The following CPS1 variants were observed in gnomAD, a reference collection of about 807,000 sequenced individuals.
CPS1 encodes the protein carbamoyl-phosphate synthase 1.
CPS1 carries 109 observed loss-of-function variants against 174.6 expected under a neutral mutation model. The ratio of observed to expected loss-of-function variants is 0.62; its 90% CI spans 0.53 to 0.73. CPS1 has a LOEUF of 0.73. Among genes scored for constraint, CPS1 ranks in the 30% least tolerant of loss-of-function variants. CPS1 has a pLI of 0.00. For synonymous variants in CPS1, 637 were observed against 632.0 expected, an observed-to-expected ratio of 1.01 and a Z score of -0.12; for missense variants, 1,689 against 1,821.9, an observed-to-expected ratio of 0.93 and a Z score of 1.33.
chr2:210,632,448 C>T (rs1699898379), intron 21 of CPS1, among the ~76,000 whole-genome samples: 1 of 152,064 alleles, frequency 6.6e-6, no homozygotes, highest in South Asian at 2.1e-4. Flanking sequence ...ATGGGACACA[C>T]AATACAATTT....
chr2:210,641,162 C>T (rs1700211792), intron 24 of CPS1, among the ~76,000 whole-genome samples: 1 of 152,176 alleles, frequency 6.6e-6, no homozygotes, highest in African/African-American at 2.4e-5. Flanking sequence ...TACTATGTCA[C>T]CTAGGCTGGA....
rs1701599879 is a variant in CPS1, at chr2:210,678,349, C to T, written c.*364C>T. ...TGAACTCTTTCTATACTTTAAGATA[C>T]TCTATTTTTAAAACACTATCTGCAA... On this transcript the variant is annotated 3_prime_UTR_variant, in exon 38 of 38. Transcript: ENST00000233072. 12 of 303,352 alleles carry T rather than the reference C, an allele frequency of 4.0e-5. No homozygotes were observed. The South Asian group carries it at 4.0e-4, about 10-fold the overall frequency. 18.8% of individuals were successfully genotyped at this position (303,352 alleles called of 1,614,324 possible).
At chr2:210,526,356 A>C (rs144021376) in intron 1 of CPS1, among the ~76,000 whole-genome samples, 1 of 150,200 alleles carries the variant, frequency 6.7e-6, no homozygotes, top group Non-Finnish European at 1.5e-5. Context: ...CATTCTGTAC[A>C]TGTATCCCAG....
intron 19 of CPS1, among the ~76,000 whole-genome samples, chr2:210,611,895 G>A (rs913442314): frequency 1.3e-5 from 2 of 151,250 alleles, no homozygotes; most frequent in African/African-American, 2.4e-5. Context: ...TCCCTGAGTG[G>A]TAAAAGACTG....
chr2:210,562,468 T>C (rs887923735), intron 1 of CPS1, among the ~76,000 whole-genome samples: 6 of 152,184 alleles, frequency 3.9e-5, no homozygotes, highest in African/African-American at 1.4e-4. Flanking sequence ...AATTCTAAAT[T>C]TCAAAAATCC....
intron 1 of CPS1, among the ~76,000 whole-genome samples, chr2:210,558,650 C>G (rs1696999469): frequency 6.6e-6 from 1 of 151,954 alleles, no homozygotes; most frequent in Admixed American, 6.6e-5. Flanking sequence ...CATCAGACCC[C>G]AGAAACCGCG....
chr2:210,516,530 T>C (rs1695686311), intron 1 of CPS1, among the ~76,000 whole-genome samples: 1 of 151,962 alleles, frequency 6.6e-6, no homozygotes, highest in African/African-American at 2.4e-5. Flanking sequence ...CTCTTTGCTT[T>C]GGTGATTTTT....
At chr2:210,596,938 A>G (rs929188550) in intron 13 of CPS1, among the ~76,000 whole-genome samples, 11 of 151,580 alleles carry the variant, frequency 7.3e-5, no homozygotes, top group Admixed American at 2.0e-4. Flanking sequence ...TTTAAACTAA[A>G]AAAATAATTG....
At chr2:210,564,428 T>G (rs1574529006) in intron 1 of CPS1, among the ~76,000 whole-genome samples, 1 of 151,802 alleles carries the variant, frequency 6.6e-6, no homozygotes. Flanking sequence ...CAGGCTGGAG[T>G]GCAGTGCTGC....
chr2:210,492,933 T>G lies in CPS1; in HGVS notation c.3+15167T>G, dbSNP rs1449515627. Among the ~76,000 whole-genome samples, 3 of 152,138 alleles carry G rather than the reference T, an allele frequency of 2.0e-5. No individual in the cohort carries two copies. In the East Asian group the frequency reaches 5.8e-4, roughly 29 times the overall value. On this transcript the variant is annotated intron_variant, in intron 1 of 38. Transcript: ENST00000430249. ...CAGAATATAGCGGCTGGGCTAATAA[T>G]AATAAATTCAAAGTACTGACACATA...
chr2:210,627,587 T>C (rs1023118534), intron 21 of CPS1, among the ~76,000 whole-genome samples: 29 of 152,176 alleles, frequency 1.9e-4, no homozygotes, highest in African/African-American at 5.8e-4. Context: ...GATAGAGTCA[T>C]GCACTTCGTA....
At chr2:210,480,618 A>G (rs946774877) in intron 1 of CPS1, among the ~76,000 whole-genome samples, 4 of 152,146 alleles carry the variant, frequency 2.6e-5, no homozygotes, top group Non-Finnish European at 4.4e-5. Flanking sequence ...TCCATATCCT[A>G]TATTTTTTCT....
chr2:210,571,458 C>A (rs1388959961), intron 1 of CPS1, among the ~76,000 whole-genome samples: 2 of 151,840 alleles, frequency 1.3e-5, no homozygotes, highest in African/African-American at 2.4e-5. Context: ...TATCGTACCT[C>A]TGATTTAAAA....
In CPS1 at chr2:210,665,453, CT is replaced by C. The variant is rs1701062119; in HGVS notation, c.4002+2257del. ...ACTCATCATTTAGCATTAGGTATATCTCCTAATGCTATCCCTCCCCCCTCCC... is the reference window on the plus strand; with the variant it reads ...ACTCATCATTTAGCATTAGGTATATCCCTAATGCTATCCCTCCCCCCTCCC... On this transcript the variant is annotated intron_variant, in intron 33 of 37. Transcript: ENST00000233072. Among the ~76,000 whole-genome samples, 2 of 149,948 alleles carry C rather than the reference CT, an allele frequency of 1.3e-5. 1 individual carries two copies. Among genetic ancestry groups the C allele is most frequent in the South Asian group, 4.3e-4 (2 of 4,656 alleles).
intron 21 of CPS1, among the ~76,000 whole-genome samples, chr2:210,625,920 GA>G (rs1349181952): frequency 2.0e-5 from 3 of 152,032 alleles, no homozygotes; most frequent in African/African-American, 7.2e-5. Context: ...AGTATAAGAA[GA>G]AAAACTAAAG....
At chr2:210,605,036 C>CCTGTTGT in intron 16 of CPS1, 66 bp from the exon 17 acceptor site, 1 of 1,584,386 alleles carries the variant, frequency 6.3e-7, no homozygotes, top group South Asian at 1.1e-5. Flanking sequence ...GGGTATTTTG[C>CCTGTTGT]CAAATATCCT....
At chr2:210,662,945 A>G (rs1700969907) in intron 32 of CPS1, among the ~76,000 whole-genome samples, 178 bp from the exon 33 acceptor site, 1 of 152,160 alleles carries the variant, frequency 6.6e-6, no homozygotes, top group South Asian at 2.1e-4. Context: ...AATTCTTGGA[A>G]TGGAGTTTTA....
chr2:210,663,223 C>G, intron 33 of CPS1, 26 bp downstream of exon 33: 3 of 1,590,966 alleles, frequency 1.9e-6, no homozygotes, highest in Non-Finnish European at 2.6e-6. Context: ...TCCATGGAAG[C>G]TTTCATTAAA....
intron 21 of CPS1, among the ~76,000 whole-genome samples, chr2:210,633,809 A>G (rs1302379024): frequency 2.0e-5 from 3 of 152,188 alleles, no homozygotes; most frequent in African/African-American, 7.2e-5. Context: ...AAAGATAACT[A>G]CATGACTTCT....
Sources: gnomAD v4.1 joint callset for allele counts (sites outside exome capture counted in the v4.1 genomes callset) on GRCh38, gnomAD v4.1.1 for gene constraint, MANE v1.5 for transcripts, NCBI Gene and HGNC (gene_info 2026-07-23, HGNC 2026-07-21) for gene names.